The following FGD1 variants were observed in gnomAD, a reference collection of about 807,000 sequenced individuals.
FGD1 encodes FYVE, RhoGEF and PH domain-containing protein 1.
FGD1 carries 12 observed loss-of-function variants against 65.0 expected under a neutral mutation model. That is an observed-to-expected ratio of 0.18 (90% CI 0.12 to 0.30). The LOEUF (loss-of-function observed/expected upper bound fraction) is 0.30. FGD1 is among the 10% of genes least tolerant of loss of function. FGD1 has a pLI of 1.00. For missense variants in FGD1, 542 were observed against 837.6 expected, an observed-to-expected ratio of 0.65 and a Z score of 4.36; for synonymous variants, 333 against 343.9, an observed-to-expected ratio of 0.97 and a Z score of 0.35.
chrX:54,477,772 T>C (rs1037469953), intron 1 of FGD1, among the ~76,000 whole-genome samples: 6 of 111,727 alleles, frequency 5.4e-5, no homozygotes, highest in African/African-American at 2.0e-4. Flanking sequence ...AATGTTTTAG[T>C]ATAATATGTC....
rs1361141921 is a variant in FGD1, at chrX:54,466,762, T to G, written c.1341-910A>C. Among the ~76,000 whole-genome samples, 147 of 109,624 alleles carry G rather than the reference T, an allele frequency of 1.3e-3. 1 individual carries two copies. Among genetic ancestry groups the G allele is most frequent in the African/African-American group, 4.2e-3 (126 of 30,296 alleles). ...GTACTGTTTTGTTTGTTTGTTTTTT[T>G]TTTTTTTGAGAGAGTCTTGCTCTGT... On this transcript the variant is annotated intron_variant, in intron 6 of 17. Coordinates refer to ENST00000375135, the MANE Select transcript of FGD1 (RefSeq NM_004463.3).
At chrX:54,473,378 C>T (rs1020838062) in intron 1 of FGD1, among the ~76,000 whole-genome samples, 4 of 111,910 alleles carry the variant, frequency 3.6e-5, no homozygotes, top group South Asian at 3.7e-4. Flanking sequence ...ACTATAGGCA[C>T]AGAGTCAATT....
At chrX:54,460,719 C>T (rs769020485) in intron 8 of FGD1, among the ~76,000 whole-genome samples, 26 of 110,207 alleles carry the variant, frequency 2.4e-4, no homozygotes, top group Non-Finnish European at 4.0e-4. Flanking sequence ...CCAGCCTGGG[C>T]GACAGAGTGA....
intron 1 of FGD1, among the ~76,000 whole-genome samples, chrX:54,481,976 C>CAGGTATAGAAACAGACAG (rs1393230287): frequency 2.7e-5 from 3 of 110,055 alleles, no homozygotes; most frequent in African/African-American, 9.9e-5. Context: ...GGAACAGACA[C>CAGGTATAGAAACAGACAG]AGGTATAGAA....
At position 54,471,416 on chromosome X, in the gene FGD1, G is replaced by T. The variant is rs773870343; in HGVS notation, c.379C>A (p.Pro127Thr). Residue 127 changes from proline to threonine, a missense_variant, in exon 2 of 18, where the codon CCA becomes ACA. Pro to Thr is a conservative substitution (Grantham distance 38). Transcript: ENST00000375135. ...LDPGQSLEPH[P>T]EGPQRLRSDP... The stretch of plus-strand genomic sequence containing the variant: ...GAGCGAAGCCGCTGGGGACCTTCTG[G>T]ATGAGGCTCTAGGCTTTGGCCAGGG... The T allele has an allele frequency of 8.3e-7, 1 of 1,211,398 alleles. No individual in the cohort carries two copies. Among genetic ancestry groups the T allele is most frequent in the Non-Finnish European group, 1.1e-6 (1 of 895,307 alleles).
rs1922845473 is a variant in FGD1 at position 54,470,000 on chromosome X, G to T, written c.1101+16C>A. The T allele has an allele frequency of 7.5e-6, 9 of 1,200,176 alleles. No homozygotes were observed. The highest frequency in any genetic ancestry group is 9.0e-6 in the Non-Finnish European group (8 of 887,106). On this transcript the variant is annotated intron_variant, in intron 4 of 17. Coordinates refer to ENST00000375135, the MANE Select transcript of FGD1 (RefSeq NM_004463.3). ...TCTCCACATGGACCTGCCTCTCGGT[G>T]AACACAGGTCAGTACCTCCACAGAC...
chrX:54,492,013 A>C, intron 1 of FGD1, among the ~76,000 whole-genome samples: 1 of 110,274 alleles, frequency 9.1e-6, no homozygotes, highest in African/African-American at 3.3e-5. Context: ...CAATCCCTGC[A>C]TCTGAAAGGA....
Position 54,446,397 on chromosome X carries a change from G to T in FGD1, c.2598C>A (p.Arg866=), listed in dbSNP as rs746735414. The T allele has an allele frequency of 1.7e-6, 2 of 1,208,460 alleles. No homozygotes were observed. The highest frequency in any genetic ancestry group is 3.5e-5 in the African/African-American group (2 of 57,286). The change falls in exon 18 of 18, where the codon CGC becomes CGA. Residue 866 remains arginine (R), a synonymous_variant. Coordinates refer to ENST00000375135, the MANE Select transcript of FGD1 (RefSeq NM_004463.3). ...YGAPQDVKAQ[R]SLPLIGFEVG... ...CCTCGAAGCCAATGAGGGGCAGGCT[G>T]CGCTGGGCTTTCACATCCTGGCGGG...
chrX:54,476,885 C>G (rs918612914), intron 1 of FGD1, among the ~76,000 whole-genome samples: 2 of 110,574 alleles, frequency 1.8e-5, no homozygotes, highest in African/African-American at 6.6e-5. Context: ...TTTGCCCAGG[C>G]TGGTGTCGAA....
rs562478629 is a variant in FGD1 at position 54,445,487 on chromosome X, TAAAAA to T, written c.*617_*621del. 1.0e-5 allele frequency: 1 copy of T among 100,269 alleles called. No individual in the cohort carries two copies. The highest frequency in any genetic ancestry group is 3.6e-5 in the African/African-American group (1 of 27,587). 8.3% of individuals were successfully genotyped at this position (100,269 alleles called of 1,213,427 possible). ...AGCCTGAAATAAACTGTATTTTTCT[TAAAAA>T]AAAAAAAACACACAAAAAAACACAA... On this transcript the variant is annotated 3_prime_UTR_variant, in exon 18 of 18. Coordinates refer to ENST00000375135, the MANE Select transcript of FGD1 (RefSeq NM_004463.3).
At chrX:54,478,103 G>C (rs1032390080) in intron 1 of FGD1, among the ~76,000 whole-genome samples, 4 of 111,604 alleles carry the variant, frequency 3.6e-5, no homozygotes, top group African/African-American at 1.3e-4. Context: ...GGGCGACAGA[G>C]TGATACCCCG....
chrX:54,483,426 G>C lies in FGD1; in HGVS notation c.307+11700C>G, dbSNP rs1008484202. Among the ~76,000 whole-genome samples the C allele has an allele frequency of 5.3e-5, 6 of 112,398 alleles. No homozygotes were observed. The Admixed American group carries it at 5.6e-4, about 10-fold the overall frequency. On this transcript the variant is annotated intron_variant, in intron 1 of 17. Transcript: ENST00000375135. ...CGGCCCAGGCCTAGCAGGCCCTGGC[G>C]GGCGGAAGGGCTTCTATGCCAGCTG... is the stretch of plus-strand genomic sequence containing the variant.
intron 8 of FGD1, among the ~76,000 whole-genome samples, chrX:54,457,813 CAA>C (rs377446328): frequency 2.1e-5 from 2 of 95,040 alleles, no homozygotes; most frequent in Non-Finnish European, 2.1e-5. Context: ...CAGGTATCAT[CAA>C]AAAAAAAAAA....
Position 54,475,639 on chromosome X carries a change from C to T in FGD1, c.308-4152G>A, listed in dbSNP as rs201975739. ...TACATTTCCCTGTCTCCTATTTTCC[C>T]TCAGTGGCCTCCTTGGCTCCAAGTC... On this transcript the variant is annotated intron_variant, in intron 1 of 17. Transcript: ENST00000375135. 2.3e-4 allele frequency among the ~76,000 whole-genome samples: 26 copies of T among 112,219 alleles called. No homozygotes were observed. The East Asian group carries it at 5.3e-3, about 23-fold the overall frequency.
chrX:54,462,905 C>T (rs775745127), intron 8 of FGD1, among the ~76,000 whole-genome samples: 46 of 109,053 alleles, frequency 4.2e-4, no homozygotes, highest in Non-Finnish European at 7.4e-4. Flanking sequence ...GCTGGAATTA[C>T]AGGCGTGCAC....
At chrX:54,448,416 C>A (rs759264039) in intron 16 of FGD1, among the ~76,000 whole-genome samples, 1 of 111,055 alleles carries the variant, frequency 9.0e-6, no homozygotes, top group African/African-American at 3.3e-5. Context: ...GAACTCCCGA[C>A]CTCCGGTGAT....
chrX:54,489,233 GAACA>G (rs1176402770), intron 1 of FGD1, among the ~76,000 whole-genome samples: 1 of 112,606 alleles, frequency 8.9e-6, no homozygotes, highest in East Asian at 2.8e-4. Context: ...CAAAGGACTT[GAACA>G]GACACTTTTC....
intron 17 of FGD1, 101 bp downstream of exon 17, chrX:54,447,210 T>C: frequency 1.1e-6 from 1 of 947,900 alleles, no homozygotes; most frequent in Non-Finnish European, 1.5e-6. Flanking sequence ...GCTCACCTTA[T>C]CTTCCAAGGC....
chrX:54,466,758 T>TG (rs112359751), intron 6 of FGD1, among the ~76,000 whole-genome samples: 16,797 of 108,001 alleles, frequency 0.16, 2,162 homozygotes, highest in African/African-American at 0.42. Flanking sequence ...TTTGTTTGTT[T>TG]TTTTTTTTTT....
Sources: allele counts gnomAD v4.1 joint callset (sites outside exome capture counted in the v4.1 genomes callset), GRCh38; gene constraint gnomAD v4.1.1; transcripts MANE v1.5; gene names NCBI Gene and HGNC (gene_info 2026-07-23, HGNC 2026-07-21).